The following GNAL variants were observed in gnomAD, a reference collection of about 807,000 sequenced individuals.
GNAL encodes G protein subunit alpha L, also known as guanine nucleotide-binding protein G(olf) subunit alpha.
A neutral mutation model predicts 55.1 loss-of-function variants in GNAL; 18 were observed. The observed-to-expected ratio is 0.33, with a 90% CI of 0.23 to 0.48. GNAL has a LOEUF of 0.48. Among genes scored for constraint, GNAL ranks in the 20% least tolerant of loss-of-function variants. The pLI, the probability that GNAL is intolerant of heterozygous loss-of-function variation, is 0.99. For missense variants in GNAL, 412 were observed against 614.1 expected (o/e 0.67, Z 3.48); for synonymous variants, 253 against 237.0 (o/e 1.07, Z -0.62).
At chr18:11,771,160 G>T (rs2033620062) in intron 4 of GNAL, among the ~76,000 whole-genome samples, 1 of 151,278 alleles carries the variant, frequency 6.6e-6, no homozygotes, top group Admixed American at 6.6e-5. Context: ...AGAGGTTACA[G>T]TGAGCCGAAG....
At chr18:11,734,942 G>A (rs561619488) in intron 1 of GNAL, among the ~76,000 whole-genome samples, 17 of 146,062 alleles carry the variant, frequency 1.2e-4, no homozygotes, top group African/African-American at 4.4e-4. Flanking sequence ...AGAGAAGTGG[G>A]AAGAGAGCAT....
At chr18:11,788,928 T>TACAC (rs1555650671) in intron 4 of GNAL, among the ~76,000 whole-genome samples, 74 of 114,930 alleles carry the variant, frequency 6.4e-4, no homozygotes, top group East Asian at 5.7e-3. Flanking sequence ...TATATATATA[T>TACAC]ATATATATAC....
chr18:11,788,908 A>ATATATATATAT lies in GNAL; in HGVS notation c.624+34963_624+34964insTATATATATAT, dbSNP rs372490535. 4.0e-3 allele frequency among the ~76,000 whole-genome samples: 295 copies of ATATATATATAT among 73,016 alleles called. 2 individuals carry two copies. The highest frequency in any genetic ancestry group is 0.019 in the Middle Eastern group (2 of 104). The allele number at this position is 73,016 out of a possible 152,430, so 47.9% of individuals were successfully genotyped here. A position where few individuals can be genotyped will look rare whatever the true frequency, so the allele number is the denominator to read the frequency against. ...CAAGACTCCGTCTCGAAAAAAAAAA[A>ATATATATATAT]AAAAAAATATATATATATATATATA... On this transcript the variant is annotated intron_variant, in intron 4 of 11. Transcript: ENST00000334049.
At chr18:11,795,061 T>C (rs1483007054) in intron 4 of GNAL, among the ~76,000 whole-genome samples, 1 of 152,068 alleles carries the variant, frequency 6.6e-6, no homozygotes, top group East Asian at 1.9e-4. Context: ...CAGGCTGGTC[T>C]TGAACTGCTG....
chr18:11,785,591 T>G (rs968940865), intron 4 of GNAL, among the ~76,000 whole-genome samples: 1 of 152,218 alleles, frequency 6.6e-6, no homozygotes. Flanking sequence ...ATCCAGCCTT[T>G]CAGAGTTTTG....
Position 11,885,547 on chromosome 18 carries a change from G to A in GNAL, c.*4412G>A, listed in dbSNP as rs547912258. On this transcript the variant is annotated 3_prime_UTR_variant, in exon 12 of 12. Transcript: ENST00000334049. ...GGCAAGGGGCAGTGTATGGAGCTAC[G>A]TGTAGAAGGAGAGAAATTTGTGTGT... is the stretch of plus-strand genomic sequence containing the variant. 18 of 1,104,608 alleles carry A rather than the reference G, an allele frequency of 1.6e-5. No homozygotes were observed. Among genetic ancestry groups the A allele is most frequent in the Non-Finnish European group, 2.2e-5 (17 of 761,480 alleles). The allele number at this position is 1,104,608 out of a possible 1,614,324, so 68.4% of individuals were successfully genotyped here.
intron 5 of GNAL, among the ~76,000 whole-genome samples, chr18:11,827,327 T>A (rs1311406245): frequency 6.6e-6 from 1 of 152,232 alleles, no homozygotes; most frequent in East Asian, 1.9e-4. Context: ...ATTTAAAATG[T>A]CCTGGCCGGG....
chr18:11,873,798 A>G (rs1214669106), intron 10 of GNAL, among the ~76,000 whole-genome samples: 2 of 152,196 alleles, frequency 1.3e-5, no homozygotes, highest in Admixed American at 6.5e-5. Flanking sequence ...TTCTCCCGCT[A>G]ACCGCCTCTT....
At chr18:11,700,501 G>C (rs969820719) in intron 1 of GNAL, among the ~76,000 whole-genome samples, 1 of 152,236 alleles carries the variant, frequency 6.6e-6, no homozygotes, top group Non-Finnish European at 1.5e-5. Flanking sequence ...TTGCCCAGCT[G>C]TTATTAGGTG....
At chr18:11,783,261 C>G (rs2033969010) in intron 4 of GNAL, among the ~76,000 whole-genome samples, 1 of 152,148 alleles carries the variant, frequency 6.6e-6, no homozygotes, top group African/African-American at 2.4e-5. Flanking sequence ...GCCCAGCTCC[C>G]CTCTTCCAAG....
chr18:11,791,455 TA>T (rs2034234552), intron 4 of GNAL, among the ~76,000 whole-genome samples: 1 of 152,202 alleles, frequency 6.6e-6, no homozygotes, highest in African/African-American at 2.4e-5. Context: ...GAAGGTTGAT[TA>T]TCAAGAGATC....
chr18:11,881,360 T>C lies in GNAL; in HGVS notation c.*225T>C, dbSNP rs2036687024. The C allele has an allele frequency of 4.5e-6, 2 of 448,480 alleles. No homozygotes were observed. Among genetic ancestry groups the C allele is most frequent in the Non-Finnish European group, 4.1e-6 (1 of 246,880 alleles). The allele number at this position is 448,480 out of a possible 1,614,324, so 27.8% of individuals were successfully genotyped here. A position where few individuals can be genotyped will look rare whatever the true frequency, so the allele number is the denominator to read the frequency against. On this transcript the variant is annotated 3_prime_UTR_variant, in exon 12 of 12. Transcript: ENST00000334049. This position sits in a 1 kb window ranked among gnomAD's most constrained non-coding sequence, Gnocchi z 4.8. The stretch of plus-strand genomic sequence containing the variant: ...AGCATCCCACCCCCAAACCACCGAC[T>C]CTCATTGCCGACACTGCAGCAGAAT...
At chr18:11,820,487 ATGT>A (rs1042615328) in intron 4 of GNAL, among the ~76,000 whole-genome samples, 2 of 152,234 alleles carry the variant, frequency 1.3e-5, no homozygotes, top group Non-Finnish European at 2.9e-5. Context: ...TTTAGAAATA[ATGT>A]TGAAATAACA....
rs773985657 is a variant in GNAL, at chr18:11,885,680, A to C, written c.*4545A>C. The C allele has an allele frequency of 6.2e-7, 1 of 1,612,418 alleles. No homozygotes were observed. Among genetic ancestry groups the C allele is most frequent in the Non-Finnish European group, 8.5e-7 (1 of 1,178,830 alleles). On this transcript the variant is annotated 3_prime_UTR_variant, in exon 12 of 12. Transcript: ENST00000334049. ...AAAAATAAACTTTCACGTTACCATG[A>C]TGAAACTGGGGTTGTTTCTGTTCCT...
intron 4 of GNAL, among the ~76,000 whole-genome samples, chr18:11,803,974 G>A (rs546790726): frequency 4.0e-4 from 61 of 150,790 alleles, no homozygotes; most frequent in African/African-American, 1.3e-3. Context: ...GATGGAACAC[G>A]GAGATACTGT....
intron 4 of GNAL, among the ~76,000 whole-genome samples, chr18:11,782,988 A>G (rs1461830112): frequency 1.3e-5 from 2 of 152,244 alleles, no homozygotes; most frequent in Admixed American, 6.5e-5. Context: ...TTATATCCCC[A>G]TAAGCCAGAC....
At chr18:11,812,673 G>A (rs1259577001) in intron 4 of GNAL, among the ~76,000 whole-genome samples, 1 of 151,888 alleles carries the variant, frequency 6.6e-6, no homozygotes, top group Non-Finnish European at 1.5e-5. Flanking sequence ...GTGAAACCCT[G>A]TCTCTACTAA....
intron 1 of GNAL, among the ~76,000 whole-genome samples, chr18:11,734,471 A>C (rs2032417322): frequency 6.6e-6 from 1 of 151,984 alleles, no homozygotes; most frequent in Non-Finnish European, 1.5e-5. Flanking sequence ...GGATCAAATC[A>C]CATAGAATGG....
chr18:11,793,761 T>A (rs560127208), intron 4 of GNAL, among the ~76,000 whole-genome samples: 1 of 151,164 alleles, frequency 6.6e-6, no homozygotes, highest in South Asian at 2.1e-4. Flanking sequence ...GTGCCTCTAC[T>A]AAAAATAAAA....
Sources: allele counts gnomAD v4.1 joint callset (sites outside exome capture counted in the v4.1 genomes callset), GRCh38; gene constraint gnomAD v4.1.1; non-coding constraint Gnocchi (gnomAD v3.1); transcripts MANE v1.5; gene names NCBI Gene and HGNC (gene_info 2026-07-23, HGNC 2026-07-21).